PTPRD: variants seen among roughly 807,000 people sequenced by gnomAD.
PTPRD encodes the protein protein tyrosine phosphatase receptor type D.
Under a neutral mutation model 214.5 loss-of-function variants are expected in PTPRD, and 34 were observed. The ratio of observed to expected loss-of-function variants is 0.16; its 90% CI spans 0.12 to 0.21. The LOEUF (loss-of-function observed/expected upper bound fraction) is 0.21. Among genes scored for constraint, PTPRD ranks in the 10% least tolerant of loss-of-function variants. PTPRD has a pLI of 1.00. For missense variants in PTPRD, 2,545 were observed against 2,398.7 expected (o/e 1.06, Z -1.27); for synonymous variants, 1,128 against 845.7 (o/e 1.33, Z -5.79).
At chr9:8,932,757 G>T (rs1456431414) in intron 11 of PTPRD, among the ~76,000 whole-genome samples, 1 of 152,148 alleles carries the variant, frequency 6.6e-6, no homozygotes, top group Non-Finnish European at 1.5e-5. Context: ...ACTTCAGACT[G>T]CTGTGCTGGC....
At chr9:9,937,768 G>A (rs1236325008) in intron 5 of PTPRD, among the ~76,000 whole-genome samples, 1 of 152,026 alleles carries the variant, frequency 6.6e-6, no homozygotes, top group Non-Finnish European at 1.5e-5. Flanking sequence ...TTATGTGTAG[G>A]CCCACCATGT....
intron 11 of PTPRD, among the ~76,000 whole-genome samples, chr9:8,780,666 G>A (rs2095658690): frequency 6.6e-6 from 1 of 152,116 alleles, no homozygotes; most frequent in Non-Finnish European, 1.5e-5. Context: ...ACTAGACTCA[G>A]GCAAGGCCTG....
chr9:8,342,608 G>C (rs772174881), intron 39 of PTPRD, among the ~76,000 whole-genome samples: 4 of 152,052 alleles, frequency 2.6e-5, no homozygotes, highest in Non-Finnish European at 4.4e-5. Flanking sequence ...TACCATCTTA[G>C]GTAACAGGCA....
At chr9:10,146,801 G>C (rs536928983) in intron 3 of PTPRD, among the ~76,000 whole-genome samples, 1 of 152,238 alleles carries the variant, frequency 6.6e-6, no homozygotes, top group South Asian at 2.1e-4. Flanking sequence ...GGGGAGAGTG[G>C]AGATTTGAGA....
chr9:10,598,704 G>GTGTGGT (rs57813093), intron 2 of PTPRD, among the ~76,000 whole-genome samples: 1 of 109,420 alleles, frequency 9.1e-6, no homozygotes, highest in Non-Finnish European at 1.8e-5. Flanking sequence ...GTGTGTGTGT[G>GTGTGGT]GTGTGTGGTG....
chr9:9,399,156 A>G (rs1569567985), intron 8 of PTPRD, among the ~76,000 whole-genome samples: 1 of 152,208 alleles, frequency 6.6e-6, no homozygotes, highest in East Asian at 1.9e-4. Flanking sequence ...TTCATGCAAT[A>G]TATTACATAT....
At chr9:10,267,864 T>A (rs1217612616) in intron 3 of PTPRD, among the ~76,000 whole-genome samples, 1 of 152,202 alleles carries the variant, frequency 6.6e-6, no homozygotes, top group African/African-American at 2.4e-5. Flanking sequence ...AGAAACTTAT[T>A]ATTAGGTGAA....
intron 8 of PTPRD, among the ~76,000 whole-genome samples, chr9:9,435,372 A>C (rs2084827381): frequency 2.1e-5 from 3 of 142,994 alleles, no homozygotes; most frequent in Admixed American, 2.1e-4. Context: ...AAAAATTAAA[A>C]AATTAGCCAG....
intron 11 of PTPRD, among the ~76,000 whole-genome samples, chr9:8,753,853 C>G (rs2093744044): frequency 6.6e-6 from 1 of 152,118 alleles, no homozygotes; most frequent in Non-Finnish European, 1.5e-5. Flanking sequence ...TTAAAAGACT[C>G]ATTATTGTAG....
intron 3 of PTPRD, among the ~76,000 whole-genome samples, chr9:10,060,555 T>G (rs759314119): frequency 8.6e-5 from 13 of 151,974 alleles, no homozygotes; most frequent in Non-Finnish European, 1.9e-4. Context: ...GACAGAAATG[T>G]GTCAAAGTAT....
At chr9:9,965,601 C>T (rs2094630212) in intron 4 of PTPRD, among the ~76,000 whole-genome samples, 1 of 152,126 alleles carries the variant, frequency 6.6e-6, no homozygotes, top group Admixed American at 6.5e-5. Context: ...TTTTTCTGTT[C>T]TATTACCTAC....
At chr9:8,909,585 A>C (rs1338522965) in intron 11 of PTPRD, among the ~76,000 whole-genome samples, 1 of 152,204 alleles carries the variant, frequency 6.6e-6, no homozygotes, top group African/African-American at 2.4e-5. Flanking sequence ...TAAGCAAATA[A>C]GGATTTCATC....
chr9:8,554,719 A>G (rs2083201243), intron 14 of PTPRD, among the ~76,000 whole-genome samples: 1 of 152,222 alleles, frequency 6.6e-6, no homozygotes, highest in African/African-American at 2.4e-5. Flanking sequence ...GAATTCATTC[A>G]CTGTCCAACA....
At chr9:10,494,959 C>T (rs1437288588) in intron 2 of PTPRD, among the ~76,000 whole-genome samples, 2 of 151,660 alleles carry the variant, frequency 1.3e-5, no homozygotes, top group Non-Finnish European at 3.0e-5. Context: ...GCCATATCAT[C>T]ACTAAAAATC....
intron 21 of PTPRD, among the ~76,000 whole-genome samples, chr9:8,517,497 T>C (rs568976583): frequency 1.6e-4 from 25 of 152,336 alleles, no homozygotes; most frequent in African/African-American, 5.8e-4. Context: ...ACAAATTAAA[T>C]ACTCTTTTGA....
chr9:9,597,485 T>G (rs924043145), intron 7 of PTPRD, among the ~76,000 whole-genome samples: 1 of 152,002 alleles, frequency 6.6e-6, no homozygotes, highest in Non-Finnish European at 1.5e-5. Flanking sequence ...TTAGAAAATA[T>G]CCCTTGAAAA....
intron 2 of PTPRD, among the ~76,000 whole-genome samples, chr9:10,538,669 C>T (rs1328962366): frequency 6.6e-6 from 1 of 150,660 alleles, no homozygotes; most frequent in Non-Finnish European, 1.5e-5. Context: ...ATAGGATGTA[C>T]TGAATAAATT....
intron 10 of PTPRD, among the ~76,000 whole-genome samples, chr9:9,050,894 T>C (rs2099683835): frequency 6.6e-6 from 1 of 152,158 alleles, no homozygotes; most frequent in Non-Finnish European, 1.5e-5. Context: ...AAAAACACAA[T>C]AGATATAGGG....
intron 9 of PTPRD, among the ~76,000 whole-genome samples, chr9:9,256,759 C>A (rs955124551): frequency 6.6e-6 from 1 of 151,906 alleles, no homozygotes; most frequent in African/African-American, 2.4e-5. Context: ...AAATGTCATT[C>A]CTCTATATAA....
Sources: gnomAD v4.1 joint callset for allele counts (sites outside exome capture counted in the v4.1 genomes callset) on GRCh38, gnomAD v4.1.1 for gene constraint, MANE v1.5 for transcripts, NCBI Gene and HGNC (gene_info 2026-07-23, HGNC 2026-07-21) for gene names.